CPNE4: variants seen among roughly 807,000 people sequenced by gnomAD.
CPNE4 encodes copine 4.
In CPNE4, 25 loss-of-function variants were observed where a neutral mutation model predicts 67.9. That is an observed-to-expected ratio of 0.37 (90% CI 0.27 to 0.51). The LOEUF is 0.51. CPNE4 is among the 20% of genes least tolerant of loss of function. The pLI is 0.93. For missense variants in CPNE4, 464 were observed against 690.8 expected (o/e 0.67, Z 3.68); for synonymous variants, 242 against 244.9 (o/e 0.99, Z 0.11).
At chr3:131,765,210 T>C (rs929831496) in intron 2 of CPNE4, among the ~76,000 whole-genome samples, 1 of 152,240 alleles carries the variant, frequency 6.6e-6, no homozygotes. Context: ...GGAAAAACTC[T>C]CTTCTTCCTG....
intron 2 of CPNE4, among the ~76,000 whole-genome samples, chr3:131,833,946 A>G (rs1193933074): frequency 3.3e-5 from 5 of 152,218 alleles, no homozygotes; most frequent in Non-Finnish European, 7.4e-5. Context: ...GAGGGTGAAG[A>G]TATGTCTTTA....
intron 2 of CPNE4, among the ~76,000 whole-genome samples, chr3:131,766,248 A>C (rs1199044519): frequency 6.6e-6 from 1 of 152,028 alleles, no homozygotes; most frequent in African/African-American, 2.4e-5. Flanking sequence ...ATTACAAATA[A>C]TAATACCTAG....
chr3:131,977,538 T>C (rs757554525), intron 1 of CPNE4, among the ~76,000 whole-genome samples: 4 of 151,932 alleles, frequency 2.6e-5, no homozygotes, highest in Non-Finnish European at 4.4e-5. Flanking sequence ...CCACCTCCCA[T>C]ACCATGCAAA....
intron 2 of CPNE4, among the ~76,000 whole-genome samples, chr3:131,785,403 G>C (rs2083531678): frequency 6.6e-6 from 1 of 151,866 alleles, no homozygotes; most frequent in African/African-American, 2.4e-5. Context: ...TCATGTTTCT[G>C]CTTATTTTTC....
chr3:131,799,122 A>G (rs972594073), intron 2 of CPNE4, among the ~76,000 whole-genome samples: 1 of 152,182 alleles, frequency 6.6e-6, no homozygotes, highest in African/African-American at 2.4e-5. Flanking sequence ...GAAAAAAAAT[A>G]TGAACAATAC....
At chr3:131,923,062 C>T (rs1203479344) in intron 1 of CPNE4, among the ~76,000 whole-genome samples, 2 of 152,114 alleles carry the variant, frequency 1.3e-5, no homozygotes, top group African/African-American at 4.8e-5. Flanking sequence ...TAAGTTGGAC[C>T]AGTTCATTGA....
chr3:131,875,857 G>T (rs1268566418), intron 2 of CPNE4, among the ~76,000 whole-genome samples: 1 of 152,160 alleles, frequency 6.6e-6, no homozygotes, highest in African/African-American at 2.4e-5. Context: ...AAATCTTTGG[G>T]GTGTTGTACA....
Position 131,562,872 on chromosome 3 carries a change from A to G in CPNE4, c.1061+1344T>C, listed in dbSNP as rs561469877. Among the ~76,000 whole-genome samples the G allele has an allele frequency of 2.0e-5, 3 of 152,180 alleles. No individual in the cohort carries two copies. The South Asian group carries it at 6.2e-4, about 32-fold the overall frequency. On this transcript the variant is annotated intron_variant, in intron 11 of 15. Coordinates refer to ENST00000429747, the MANE Select transcript of CPNE4 (RefSeq NM_130808.3). ...TAAGAGGTGTTTTTCCAAAAAGATAATTTAAAATAACTATTGACTTTTTTC... is the reference window on the plus strand; with the variant it reads ...TAAGAGGTGTTTTTCCAAAAAGATAGTTTAAAATAACTATTGACTTTTTTC...
intron 4 of CPNE4, 34 bp downstream of exon 4, chr3:131,699,875 C>A: frequency 6.3e-7 from 1 of 1,587,904 alleles, no homozygotes; most frequent in Non-Finnish European, 8.6e-7. Context: ...GCTCTCCACT[C>A]AGGCAGACAG....
intron 1 of CPNE4, among the ~76,000 whole-genome samples, chr3:132,001,936 T>A (rs2073462447): frequency 1.3e-5 from 2 of 152,138 alleles, no homozygotes. Flanking sequence ...GATCAGCTGC[T>A]GTTGAGTAGG....
chr3:131,894,456 T>C (rs956985255), intron 2 of CPNE4, among the ~76,000 whole-genome samples: 1 of 151,780 alleles, frequency 6.6e-6, no homozygotes, highest in African/African-American at 2.4e-5. Context: ...TGGGGTAAAA[T>C]ATTTGCAAAC....
chr3:131,854,879 GAGA>G (rs985279426), intron 2 of CPNE4, among the ~76,000 whole-genome samples: 4 of 150,174 alleles, frequency 2.7e-5, no homozygotes, highest in African/African-American at 4.9e-5. Context: ...TAGAAAATTG[GAGA>G]AGATTATTTG....
chr3:131,762,033 C>T (rs2082902168), intron 2 of CPNE4, among the ~76,000 whole-genome samples: 1 of 152,008 alleles, frequency 6.6e-6, no homozygotes, highest in African/African-American at 2.4e-5. Context: ...AATAGTGACC[C>T]ACCATGATGC....
chr3:131,717,874 T>TTTTCTTTTC (rs1293126184), intron 3 of CPNE4, among the ~76,000 whole-genome samples: 362 of 96,920 alleles, frequency 3.7e-3, no homozygotes, highest in Non-Finnish European at 5.1e-3. Context: ...TCTTTCTTTC[T>TTTTCTTTTC]TTTCTTTCTT....
intron 2 of CPNE4, among the ~76,000 whole-genome samples, chr3:131,880,131 T>G (rs1388118271): frequency 4.2e-5 from 1 of 23,856 alleles, no homozygotes; most frequent in Non-Finnish European, 8.7e-5. Flanking sequence ...TATATATACA[T>G]ATTTTTTTTT....
At chr3:131,942,445 TGTGTGTGTGTGTGTGTGTGAGAGAGAGA>T (rs2071416147) in intron 1 of CPNE4, among the ~76,000 whole-genome samples, 6 of 60,458 alleles carry the variant, frequency 9.9e-5, no homozygotes, top group African/African-American at 3.8e-4. Flanking sequence ...TGTGTGTGTG[TGTGTGTGTGTGTGTGTGTGAGAGAGAGA>T]GAGAGAGAGA....
intron 2 of CPNE4, among the ~76,000 whole-genome samples, chr3:131,815,681 A>G (rs1365035849): frequency 1.3e-5 from 2 of 152,260 alleles, no homozygotes; most frequent in East Asian, 3.8e-4. Flanking sequence ...TATTCCAGAG[A>G]GCCAGCAAAC....
chr3:131,663,441 C>T (rs1016517165), intron 7 of CPNE4, among the ~76,000 whole-genome samples: 15 of 151,670 alleles, frequency 9.9e-5, no homozygotes, highest in African/African-American at 3.6e-4. Flanking sequence ...AACAAACCTA[C>T]ACATTTTGCA....
upstream of CPNE4, among the ~76,000 whole-genome samples, chr3:132,038,943 A>C (rs1298528662): frequency 2.0e-5 from 3 of 152,200 alleles, no homozygotes; most frequent in Admixed American, 6.5e-5. Context: ...GATGTGATTA[A>C]GGTCTAGCCC....
Sources: allele counts gnomAD v4.1 joint callset (sites outside exome capture counted in the v4.1 genomes callset), GRCh38; gene constraint gnomAD v4.1.1; transcripts MANE v1.5; gene names NCBI Gene and HGNC (gene_info 2026-07-23, HGNC 2026-07-21).